Variants in HGF observed in about 807,000 individuals in gnomAD.
HGF encodes hepatocyte growth factor.
Under a neutral mutation model 111.6 loss-of-function variants are expected in HGF, and 39 were observed. The ratio of observed to expected loss-of-function variants is 0.35; its 90% CI spans 0.27 to 0.46. The LOEUF (loss-of-function observed/expected upper bound fraction) is 0.46, where lower values mean the gene tolerates loss of function less well. HGF is among the 20% of genes least tolerant of loss of function. The pLI is 1.00. For synonymous variants in HGF, 285 were observed against 294.8 expected, an observed-to-expected ratio of 0.97 and a Z score of 0.34; for missense variants, 735 against 910.5, an observed-to-expected ratio of 0.81 and a Z score of 2.48.
At chr7:81,760,126 C>T (rs1345041362) in intron 2 of HGF, among the ~76,000 whole-genome samples, 5 of 152,126 alleles carry the variant, frequency 3.3e-5, no homozygotes, top group South Asian at 2.1e-4. Flanking sequence ...CATCAAATTC[C>T]GTAAGTTGCA....
intron 12 of HGF, 124 bp downstream of exon 12, chr7:81,711,357 A>G (rs1489838002): frequency 4.0e-6 from 2 of 502,132 alleles, no homozygotes; most frequent in Non-Finnish European, 7.0e-6. Flanking sequence ...AAGTAAAAAT[A>G]AATAGATTAA....
chr7:81,711,358 AATAG>A, intron 12 of HGF, 119 bp downstream of exon 12: 1 of 505,244 alleles, frequency 2.0e-6, no homozygotes, highest in South Asian at 4.2e-5. Context: ...AGTAAAAATA[AATAG>A]ATTAACTTCT....
chr7:81,743,460 T>C lies in HGF; in HGVS notation c.758A>G (p.Lys253Arg), dbSNP rs559265540. 35 of 1,609,358 alleles carry C rather than the reference T, an allele frequency of 2.2e-5. No homozygotes were observed. The highest frequency in any genetic ancestry group is 1.2e-4 in the Admixed American group (7 of 60,004). The change falls in exon 7 of 18, where the codon AAG (lysine) becomes AGG (arginine). Residue 253 changes from lysine to arginine, a missense_variant. This residue lies in a region of HGF where 553 missense variants were observed against 685.6 expected (regional missense o/e 0.81). Transcript: ENST00000222390. The part of the protein sequence containing the change: ...HKFLPERYPD[K>R]GFDDNYCRNP... ...GCGGCAATAATTATCATCAAAGCCC[T>C]TGTCGGGATATCTGCAAACCACACC...
In HGF at chr7:81,729,713, T is replaced by TCTC. The variant is rs1562884349; in HGVS notation, c.929_931dup (p.Gly310dup). ...GGTATTGACAGTGCCCCTGTAGCCT[T>TCTC]CTCCTTGACCTTGGATGCATTCAGT... On this transcript the variant is annotated inframe_insertion, in exon 8 of 18. Transcript: ENST00000222390. 7 of 1,613,762 alleles carry TCTC rather than the reference T, an allele frequency of 4.3e-6. No homozygotes were observed. Among genetic ancestry groups the TCTC allele is most frequent in the Non-Finnish European group, 5.9e-6 (7 of 1,179,860 alleles).
At chr7:81,716,912 G>C (rs1399602006) in intron 11 of HGF, among the ~76,000 whole-genome samples, 1 of 152,122 alleles carries the variant, frequency 6.6e-6, no homozygotes, top group African/African-American at 2.4e-5. Flanking sequence ...GTATTGGGGG[G>C]TGGGGAGATC....
chr7:81,733,792 A>G (rs1184073362), intron 7 of HGF, among the ~76,000 whole-genome samples: 1 of 152,158 alleles, frequency 6.6e-6, no homozygotes, highest in Non-Finnish European at 1.5e-5. Context: ...ATTTGTCCAT[A>G]GACCATTTAA....
intron 5 of HGF, among the ~76,000 whole-genome samples, chr7:81,745,921 T>C (rs993220083): frequency 1.3e-5 from 2 of 152,232 alleles, no homozygotes; most frequent in East Asian, 3.9e-4. Context: ...AAAGTGAGAC[T>C]TCTCAAACAG....
At chr7:81,733,014 T>C (rs931806436) in intron 7 of HGF, among the ~76,000 whole-genome samples, 1 of 152,168 alleles carries the variant, frequency 6.6e-6, no homozygotes, top group African/African-American at 2.4e-5. Context: ...AATTGAAGAA[T>C]CTTTCACTTT....
At chr7:81,750,983 A>G (rs1788469967) in intron 5 of HGF, 1 of 965,732 alleles carries the variant, frequency 1.0e-6, no homozygotes, top group African/African-American at 1.8e-5. Flanking sequence ...TGGAATGGAA[A>G]GTAAGAATTT....
intron 1 of HGF, among the ~76,000 whole-genome samples, chr7:81,768,869 C>T (rs1789494460): frequency 6.6e-6 from 1 of 152,146 alleles, no homozygotes; most frequent in Admixed American, 6.5e-5. Flanking sequence ...TTTTCCTTTG[C>T]ATTTAGAAAA....
intron 4 of HGF, chr7:81,756,913 TC>T: frequency 2.0e-6 from 1 of 499,356 alleles, no homozygotes; most frequent in South Asian, 2.2e-5. Context: ...GGAAGAAGAA[TC>T]CTTTTAAACG....
intron 7 of HGF, among the ~76,000 whole-genome samples, chr7:81,741,363 C>A (rs1262630019): frequency 1.3e-5 from 2 of 152,110 alleles, no homozygotes; most frequent in Admixed American, 1.3e-4. Flanking sequence ...ATGTTACTTG[C>A]ATAACTAGCC....
In HGF at chr7:81,726,009, C is replaced by T. The variant is rs750575553; in HGVS notation, c.1049G>A (p.Arg350Gln). 34 of 1,613,840 alleles carry T rather than the reference C, an allele frequency of 2.1e-5. 1 individual carries two copies. The highest frequency in any genetic ancestry group is 3.3e-4 in the Middle Eastern group (2 of 6,084). ...TPENFKCKDL[R>Q]ENYCRNPDGS... The stretch of plus-strand genomic sequence containing the variant: ...ATCTGGATTTCGGCAGTAATTTTCT[C>T]GTAGGTCCCTATTGAGAATAAGCAT... The change falls in exon 9 of 18, where the codon CGA becomes CAA. Residue 350 changes from arginine (R) to glutamine (Q), a missense_variant. Around this residue, in one of 3 missense-constraint regions of HGF, gnomAD observed 553 missense variants for 685.6 expected, o/e 0.81. Coordinates refer to ENST00000222390, the MANE Select transcript of HGF (RefSeq NM_000601.6).
intron 3 of HGF, among the ~76,000 whole-genome samples, chr7:81,757,535 C>G (rs1267666442): frequency 6.6e-6 from 1 of 152,094 alleles, no homozygotes; most frequent in South Asian, 2.1e-4. Context: ...GCATAGATAG[C>G]TCCAGAGAGC....
chr7:81,736,005 C>T (rs1787812330), intron 7 of HGF, among the ~76,000 whole-genome samples: 1 of 152,042 alleles, frequency 6.6e-6, no homozygotes, highest in African/African-American at 2.4e-5. Context: ...TAAATATAGT[C>T]ACAATGGGAG....
At chr7:81,729,800 C>CA (rs5745686) in intron 7 of HGF, 21 bp from the exon 8 acceptor site, 59 of 1,596,866 alleles carry the variant, frequency 3.7e-5, no homozygotes, top group Non-Finnish European at 4.2e-5. Context: ...AAAACAACAA[C>CA]AAAAAAAAAC....
Position 81,702,067 on chromosome 7 carries a change from G to C in HGF, c.*514C>G, listed in dbSNP as rs917265278. The C allele has an allele frequency of 5.3e-6, 1 of 187,288 alleles. No homozygotes were observed. The highest frequency in any genetic ancestry group is 2.1e-3 in the Middle Eastern group (1 of 478). 11.6% of individuals were successfully genotyped at this position (187,288 alleles called of 1,614,324 possible). A position where few individuals can be genotyped will look rare whatever the true frequency, so the allele number is the denominator to read the frequency against. On this transcript the variant is annotated 3_prime_UTR_variant, in exon 18 of 18. Transcript: ENST00000222390. ...ATGTGGTTTTGTAAAAAGTGTGTTC[G>C]TGTACCAGTATTGCAGGATACATGG...
chr7:81,720,975 G>C, intron 9 of HGF, 128 bp from the exon 10 acceptor site: 1 of 659,952 alleles, frequency 1.5e-6, no homozygotes, highest in East Asian at 2.9e-5. Context: ...GCTGGGTGCG[G>C]TGGCTCACGC....
intron 15 of HGF, 137 bp downstream of exon 15, chr7:81,706,150 T>C (rs1789419573): frequency 1.3e-6 from 1 of 781,564 alleles, no homozygotes; most frequent in African/African-American, 1.7e-5. Context: ...CGCACGCATA[T>C]ATACATATAT....
Sources: allele counts gnomAD v4.1 joint callset (sites outside exome capture counted in the v4.1 genomes callset), GRCh38; gene constraint gnomAD v4.1.1; regional missense constraint gnomAD v4.1.1; transcripts MANE v1.5; gene names NCBI Gene and HGNC (gene_info 2026-07-23, HGNC 2026-07-21).